The following PBX1 variants were observed in gnomAD, a reference collection of about 807,000 sequenced individuals.
PBX1 encodes the protein PBX homeobox 1.
In PBX1, 6 loss-of-function variants were observed where a neutral mutation model predicts 53.4. The ratio of observed to expected loss-of-function variants is 0.11; its 90% CI spans 0.06 to 0.22. PBX1 has a LOEUF of 0.22. PBX1 is among the 10% of genes least tolerant of loss of function. The pLI is 1.00. For missense variants in PBX1, 251 were observed against 551.4 expected, an observed-to-expected ratio of 0.46 and a Z score of 5.46; for synonymous variants, 204 against 212.3, an observed-to-expected ratio of 0.96 and a Z score of 0.34.
intron 2 of PBX1, among the ~76,000 whole-genome samples, chr1:164,714,312 T>A (rs921999489): frequency 1.3e-5 from 2 of 152,214 alleles, no homozygotes; most frequent in Non-Finnish European, 2.9e-5. Flanking sequence ...CTATTAAACC[T>A]TTAATTAAGA....
chr1:164,873,172 C>A (rs76461810), intron 2 of PBX1, among the ~76,000 whole-genome samples: 1 of 152,152 alleles, frequency 6.6e-6, no homozygotes, highest in Admixed American at 6.5e-5. Context: ...TCATAGCCAC[C>A]CTACTATTTT....
At chr1:164,741,901 G>A (rs903689817) in intron 2 of PBX1, among the ~76,000 whole-genome samples, 4 of 151,600 alleles carry the variant, frequency 2.6e-5, no homozygotes, top group African/African-American at 9.7e-5. Flanking sequence ...AACAGCCAAT[G>A]GTTTAATTTT....
In PBX1 at chr1:164,765,286, G is replaced by A. The variant is rs183757522; in HGVS notation, c.266-27208G>A. On this transcript the variant is annotated intron_variant, in intron 2 of 8. Transcript: ENST00000420696. ...AACAAATTGCTTCTGGTATATGTGCGATAACATGTATGTGTGAGATTGTGC... is the reference window on the plus strand; with the variant it reads ...AACAAATTGCTTCTGGTATATGTGCAATAACATGTATGTGTGAGATTGTGC... Among the ~76,000 whole-genome samples the A allele has an allele frequency of 1.1e-4, 17 of 152,290 alleles. No individual in the cohort carries two copies. The East Asian group carries it at 1.7e-3, about 16-fold the overall frequency.
intron 3 of PBX1, among the ~76,000 whole-genome samples, chr1:164,797,933 C>T (rs1668866538): frequency 6.6e-6 from 1 of 152,228 alleles, no homozygotes; most frequent in African/African-American, 2.4e-5. Flanking sequence ...ACTGTGCTCT[C>T]ACTCAGCCTC....
intron 2 of PBX1, among the ~76,000 whole-genome samples, chr1:164,669,178 C>T (rs1022735738): frequency 5.3e-5 from 8 of 151,914 alleles, no homozygotes; most frequent in African/African-American, 1.5e-4. Flanking sequence ...CTCTGAGACA[C>T]GGAACACTAG....
At chr1:164,803,366 A>G (rs1669180434) in intron 4 of PBX1, among the ~76,000 whole-genome samples, 1 of 152,226 alleles carries the variant, frequency 6.6e-6, no homozygotes, top group Non-Finnish European at 1.5e-5. Flanking sequence ...GAGGAGCAGG[A>G]TGTTTGCCAA....
intron 2 of PBX1, among the ~76,000 whole-genome samples, chr1:164,875,506 C>T (rs1672482252): frequency 6.6e-6 from 1 of 152,040 alleles, no homozygotes; most frequent in African/African-American, 2.4e-5. Flanking sequence ...TCTCAGTTGC[C>T]TAGGCTAGTC....
chr1:164,588,691 AAG>A (rs987201149), intron 2 of PBX1, among the ~76,000 whole-genome samples: 2 of 151,900 alleles, frequency 1.3e-5, no homozygotes, highest in African/African-American at 4.8e-5. Context: ...GAAAAAAAAT[AAG>A]AGGGAGAGAG....
chr1:164,844,992 G>A (rs1330885799), intron 8 of PBX1, among the ~76,000 whole-genome samples: 1 of 152,178 alleles, frequency 6.6e-6, no homozygotes, highest in Non-Finnish European at 1.5e-5. Flanking sequence ...TGGAACTTGA[G>A]AGCAGTTATT....
chr1:164,582,970 T>C (rs994078638), intron 2 of PBX1, among the ~76,000 whole-genome samples: 5 of 152,226 alleles, frequency 3.3e-5, no homozygotes, highest in African/African-American at 1.2e-4. Context: ...ATTTTTGAAT[T>C]GAAACACTGT....
chr1:164,764,290 A>G (rs184723440), intron 2 of PBX1, among the ~76,000 whole-genome samples: 16 of 152,290 alleles, frequency 1.1e-4, no homozygotes, highest in Non-Finnish European at 1.9e-4. Context: ...ATTTATTTGT[A>G]TTTTTTAAAG....
At chr1:164,603,395 G>A (rs1346918767) in intron 2 of PBX1, among the ~76,000 whole-genome samples, 2 of 152,092 alleles carry the variant, frequency 1.3e-5, no homozygotes, top group Non-Finnish European at 2.9e-5. Context: ...AAAATAATGC[G>A]GATTTGTCCT....
rs1571393850 is a variant in PBX1 at position 164,780,401 on chromosome 1, CT to C, written c.266-12092del. Among the ~76,000 whole-genome samples the C allele has an allele frequency of 3.9e-5, 6 of 152,300 alleles. No homozygotes were observed. The East Asian group carries it at 1.2e-3, about 29-fold the overall frequency. The stretch of plus-strand genomic sequence containing the variant: ...TCTACTTCTCCTTTAAAATGTCCCC[CT>C]GGAAACTTGAATCGGCAGTCGAGAA... On this transcript the variant is annotated intron_variant, in intron 2 of 8. Transcript: ENST00000420696.
chr1:164,590,399 C>T, intron 2 of PBX1: 1 of 455,996 alleles, frequency 2.2e-6, no homozygotes, highest in Non-Finnish European at 4.4e-6. Flanking sequence ...GCACTGCTTG[C>T]TTCTTCCCAA....
chr1:164,828,057 A>AG (rs1022087997), intron 8 of PBX1, among the ~76,000 whole-genome samples: 11 of 152,172 alleles, frequency 7.2e-5, no homozygotes, highest in Non-Finnish European at 1.2e-4. Context: ...ATATGACAGA[A>AG]GGGGGGAATT....
intron 2 of PBX1, among the ~76,000 whole-genome samples, chr1:164,655,100 G>GTGTTT (rs1553225088): frequency 2.9e-5 from 4 of 138,822 alleles, no homozygotes; most frequent in African/African-American, 8.1e-5. Flanking sequence ...TCTGATGTGT[G>GTGTTT]TTTTTTTTTT....
chr1:164,838,631 G>A (rs1315803284), intron 8 of PBX1, among the ~76,000 whole-genome samples: 1 of 152,140 alleles, frequency 6.6e-6, no homozygotes, highest in Non-Finnish European at 1.5e-5. Flanking sequence ...GCAGTAGCAG[G>A]CAGTGGGTAC....
chr1:164,723,724 T>C (rs1459608950), intron 2 of PBX1, among the ~76,000 whole-genome samples: 1 of 152,236 alleles, frequency 6.6e-6, no homozygotes, highest in Admixed American at 6.5e-5. Context: ...TTATTATTGC[T>C]CTCCCCTATT....
intron 2 of PBX1, among the ~76,000 whole-genome samples, chr1:164,599,042 A>C (rs1000206019): frequency 2.2e-5 from 3 of 138,856 alleles, no homozygotes; most frequent in African/African-American, 8.0e-5. Context: ...TTTACACCAG[A>C]TTTATTTTCT....
Sources: gnomAD v4.1 joint callset for allele counts (sites outside exome capture counted in the v4.1 genomes callset) on GRCh38, gnomAD v4.1.1 for gene constraint, MANE v1.5 for transcripts, NCBI Gene and HGNC (gene_info 2026-07-23, HGNC 2026-07-21) for gene names.